The following NUAK1 variants were observed in gnomAD, a reference collection of about 807,000 sequenced individuals.
The protein encoded by NUAK1 is NUAK family kinase 1, also known as NUAK family SNF1-like kinase 1.
NUAK1 carries 26 observed loss-of-function variants against 56.9 expected under a neutral mutation model. The ratio of observed to expected loss-of-function variants is 0.46; its 90% CI spans 0.33 to 0.63. NUAK1 has a LOEUF of 0.63. Among genes scored for constraint, NUAK1 ranks in the 30% least tolerant of loss-of-function variants. The pLI, the probability that NUAK1 is intolerant of heterozygous loss-of-function variation, is 0.02. For missense variants in NUAK1, 727 were observed against 876.1 expected (o/e 0.83, Z 2.15); for synonymous variants, 337 against 336.0 (o/e 1.00, Z -0.03).
intron 2 of NUAK1, among the ~76,000 whole-genome samples, chr12:106,101,545 C>A (rs1394345552): frequency 1.3e-5 from 2 of 152,158 alleles, no homozygotes; most frequent in Non-Finnish European, 2.9e-5. Flanking sequence ...TATGAAGACA[C>A]AGTTAAAAGT....
chr12:106,086,032 G>T (rs1007270938), intron 3 of NUAK1, among the ~76,000 whole-genome samples: 2 of 151,794 alleles, frequency 1.3e-5, no homozygotes, highest in Admixed American at 1.3e-4. Context: ...GTGCATGTAG[G>T]TAACCTATGC....
At chr12:106,092,838 AC>A (rs950404657) in intron 2 of NUAK1, among the ~76,000 whole-genome samples, 1 of 151,764 alleles carries the variant, frequency 6.6e-6, no homozygotes, top group South Asian at 2.1e-4. Flanking sequence ...ATGACTCTCC[AC>A]CCCCTTCCTC....
At position 106,138,429 on chromosome 12, in the gene NUAK1, C is replaced by G; in HGVS notation, c.225G>C (p.Arg75Ser). Reference sequence around the variant, plus strand: ...CCCCACTCACCACTCGGCCAGAAAACCTCTCGGTGGCCCGCTTGACTTTGC... The same window carrying G: ...CCCCACTCACCACTCGGCCAGAAAAGCTCTCGGTGGCCCGCTTGACTTTGC... ...TYGKVKRATE[R>S]FSGRVVAIKS... Residue 75 changes from arginine to serine, a missense_variant, in exon 1 of 7, where the codon AGG becomes AGC. Arg to Ser is a moderately radical substitution (Grantham distance 110). Coordinates refer to ENST00000261402, the MANE Select transcript of NUAK1 (RefSeq NM_014840.3). This position sits in a 1 kb window ranked among gnomAD's most constrained non-coding sequence, Gnocchi z 5.0. 6.2e-7 allele frequency: 1 copy of G among 1,610,538 alleles called. No homozygotes were observed. The highest frequency in any genetic ancestry group is 8.5e-7 in the Non-Finnish European group (1 of 1,178,792).
At position 106,063,682 on chromosome 12, in the gene NUAK1, AT is replaced by A. The variant is rs35719392; in HGVS notation, c.*3119del. 23,940 of 148,186 alleles carry A rather than the reference AT, an allele frequency of 0.16. 3,675 individuals are homozygous for A. The highest frequency in any genetic ancestry group is 0.41 in the African/African-American group (16,566 of 40,324). The allele number at this position is 148,186 out of a possible 1,614,324, so 9.2% of individuals were successfully genotyped here. Reference sequence around the variant, plus strand: ...AAATTAAATAAAAGTCACAATGTGGATTTTTTTTTTTTTTTAATGTGCAGTC... The same window carrying A: ...AAATTAAATAAAAGTCACAATGTGGATTTTTTTTTTTTTTAATGTGCAGTC... On this transcript the variant is annotated 3_prime_UTR_variant, in exon 7 of 7. Coordinates refer to ENST00000261402, the MANE Select transcript of NUAK1 (RefSeq NM_014840.3).
chr12:106,128,366 A>G (rs1342384356), intron 1 of NUAK1, among the ~76,000 whole-genome samples: 1 of 151,952 alleles, frequency 6.6e-6, no homozygotes, highest in Non-Finnish European at 1.5e-5. Flanking sequence ...CCTAACCTCA[A>G]ATAATCCACC....
Position 106,138,821 on chromosome 12 carries a change from G to T in NUAK1, c.-168C>A. The T allele has an allele frequency of 2.1e-6, 2 of 951,496 alleles. No individual in the cohort carries two copies. Among genetic ancestry groups the T allele is most frequent in the Admixed American group, 4.1e-5 (1 of 24,540 alleles). 58.9% of individuals were successfully genotyped at this position (951,496 alleles called of 1,614,324 possible). On this transcript the variant is annotated 5_prime_UTR_variant, in exon 1 of 7. Coordinates refer to ENST00000261402, the MANE Select transcript of NUAK1 (RefSeq NM_014840.3). The surrounding 1 kb of genome is among the most constrained non-coding windows in gnomAD (Gnocchi z 5.0). Reference sequence around the variant, plus strand: ...CGGCTCGGTCACTGGCGGCGGCGGGGACTGCACATCTGGCGCCCGCGGCGC... The same window carrying T: ...CGGCTCGGTCACTGGCGGCGGCGGGTACTGCACATCTGGCGCCCGCGGCGC...
At chr12:106,106,988 C>T (rs1334863135) in intron 1 of NUAK1, among the ~76,000 whole-genome samples, 3 of 152,204 alleles carry the variant, frequency 2.0e-5, no homozygotes, top group East Asian at 1.9e-4. Flanking sequence ...TGGCCAACCT[C>T]GAGGCCAGCT....
intron 2 of NUAK1, chr12:106,106,066 C>T (rs1313250657): frequency 5.4e-6 from 1 of 186,362 alleles, no homozygotes; most frequent in Non-Finnish European, 1.1e-5. Context: ...ACAATGTATC[C>T]ACTGTTATTT....
chr12:106,115,217 A>G (rs2032903441), intron 1 of NUAK1, among the ~76,000 whole-genome samples: 1 of 152,260 alleles, frequency 6.6e-6, no homozygotes, highest in South Asian at 2.1e-4. Flanking sequence ...AGTTGAGTTT[A>G]GCTGATCCAG....
intron 1 of NUAK1, among the ~76,000 whole-genome samples, chr12:106,117,111 A>G (rs895891193): frequency 6.6e-6 from 1 of 152,060 alleles, no homozygotes; most frequent in African/African-American, 2.4e-5. Flanking sequence ...TGGGAGGAAC[A>G]CCCTGACTTC....
intron 2 of NUAK1, among the ~76,000 whole-genome samples, chr12:106,098,878 G>C (rs551443574): frequency 6.6e-6 from 1 of 152,212 alleles, no homozygotes; most frequent in South Asian, 2.1e-4. Flanking sequence ...TCCATCCTAG[G>C]CAACCCAGTT....
chr12:106,098,361 G>A (rs991684711), intron 2 of NUAK1, among the ~76,000 whole-genome samples: 3 of 152,182 alleles, frequency 2.0e-5, no homozygotes, highest in Non-Finnish European at 4.4e-5. Flanking sequence ...AAGGCTCACA[G>A]GGTGGGGGCA....
At chr12:106,081,815 T>C (rs1184887883) in intron 4 of NUAK1, among the ~76,000 whole-genome samples, 1 of 152,224 alleles carries the variant, frequency 6.6e-6, no homozygotes, top group African/African-American at 2.4e-5. Flanking sequence ...GAGGCTTACA[T>C]TCCAGGCCTT....
intron 2 of NUAK1, among the ~76,000 whole-genome samples, chr12:106,095,300 T>A (rs930655478): frequency 6.6e-6 from 1 of 152,224 alleles, no homozygotes; most frequent in African/African-American, 2.4e-5. Flanking sequence ...TGAAAAAGCA[T>A]GCTCCCCAAT....
intron 2 of NUAK1, among the ~76,000 whole-genome samples, chr12:106,089,725 G>A (rs1361466572): frequency 6.6e-6 from 1 of 151,764 alleles, no homozygotes; most frequent in Non-Finnish European, 1.5e-5. Context: ...GGAGGTGGAG[G>A]TTGCAGTGAG....
At chr12:106,106,824 C>A (rs926667766) in intron 1 of NUAK1, among the ~76,000 whole-genome samples, 48 of 152,010 alleles carry the variant, frequency 3.2e-4, no homozygotes, top group African/African-American at 1.2e-3. Context: ...TGGCCAGAGT[C>A]GTTTACTCGA....
intron 4 of NUAK1, among the ~76,000 whole-genome samples, chr12:106,074,745 C>T (rs2032443172): frequency 6.6e-6 from 1 of 151,904 alleles, no homozygotes; most frequent in South Asian, 2.1e-4. Flanking sequence ...TGGTCACAGC[C>T]CCTAGAAGCA....
intron 1 of NUAK1, among the ~76,000 whole-genome samples, chr12:106,129,194 G>A (rs1396216717): frequency 6.6e-6 from 1 of 152,226 alleles, no homozygotes; most frequent in Non-Finnish European, 1.5e-5. Flanking sequence ...TGCTGTCACT[G>A]AGAAGCACCT....
Position 106,066,958 on chromosome 12 carries a change from G to C in NUAK1, c.1830C>G (p.Ile610Met). ...SCVSAENFLQ[I>M]QDFEGLQNRP... ...GGTTCTGGAGCCCCTCAAAGTCCTG[G>C]ATCTGGAGGAAGTTTTCTGCAGAGA... The change falls in exon 7 of 7, where the codon ATC becomes ATG. Residue 610 changes from isoleucine to methionine, a missense_variant. Transcript: ENST00000261402. 1 of 1,614,228 alleles carries C rather than the reference G, an allele frequency of 6.2e-7. No individual in the cohort carries two copies. The highest frequency in any genetic ancestry group is 8.5e-7 in the Non-Finnish European group (1 of 1,180,042).
Sources: gnomAD v4.1 joint callset for allele counts (sites outside exome capture counted in the v4.1 genomes callset) on GRCh38, gnomAD v4.1.1 for gene constraint, Gnocchi (gnomAD v3.1) non-coding constraint, MANE v1.5 for transcripts, NCBI Gene and HGNC (gene_info 2026-07-23, HGNC 2026-07-21) for gene names.